The following NOVA1 variants were observed in gnomAD, a reference collection of about 807,000 sequenced individuals.
NOVA1 encodes RNA-binding protein Nova-1.
A neutral mutation model predicts 38.0 loss-of-function variants in NOVA1; 7 were observed. The observed-to-expected ratio is 0.18, with a 90% CI of 0.10 to 0.35. NOVA1 has a LOEUF of 0.35. Among genes scored for constraint, NOVA1 ranks in the 10% least tolerant of loss-of-function variants. NOVA1 has a pLI of 1.00. For synonymous variants in NOVA1, 270 were observed against 232.5 expected (o/e 1.16, Z -1.47); for missense variants, 460 against 616.0 (o/e 0.75, Z 2.68).
chr14:26,523,090 T>G (rs1889021206), intron 2 of NOVA1, among the ~76,000 whole-genome samples: 1 of 152,182 alleles, frequency 6.6e-6, no homozygotes, highest in African/African-American at 2.4e-5. Flanking sequence ...ATTAGCTCCT[T>G]CAGTAAAGTT....
intron 2 of NOVA1, among the ~76,000 whole-genome samples, chr14:26,542,314 T>C (rs1414540591): frequency 1.3e-5 from 2 of 151,936 alleles, no homozygotes; most frequent in Non-Finnish European, 2.9e-5. Context: ...AGGTAATTTT[T>C]CAATTTTCTC....
chr14:26,519,439 AGGGCCAG>A (rs1337730223), intron 2 of NOVA1: 1 of 152,206 alleles, frequency 6.6e-6, no homozygotes, highest in Non-Finnish European at 1.5e-5. Flanking sequence ...TAGGTAGAGT[AGGGCCAG>A]ATTATAAAGG....
At chr14:26,452,483 T>G (rs904172463) in intron 4 of NOVA1, among the ~76,000 whole-genome samples, 3 of 152,192 alleles carry the variant, frequency 2.0e-5, no homozygotes, top group Non-Finnish European at 4.4e-5. Context: ...TAGATTATTT[T>G]CTCTTACTTC....
chr14:26,517,447 T>G, intron 2 of NOVA1, among the ~76,000 whole-genome samples: 1 of 152,198 alleles, frequency 6.6e-6, no homozygotes, highest in East Asian at 1.9e-4. Context: ...GAATGTAAAC[T>G]GATAGAGGCA....
chr14:26,557,468 C>A (rs1414012512), intron 2 of NOVA1, among the ~76,000 whole-genome samples: 1 of 152,040 alleles, frequency 6.6e-6, no homozygotes, highest in Non-Finnish European at 1.5e-5. Flanking sequence ...CACAAGCAAT[C>A]CTCCCACCTC....
chr14:26,579,104 C>CTGGAG (rs1309794190), intron 2 of NOVA1, among the ~76,000 whole-genome samples: 1 of 115,376 alleles, frequency 8.7e-6, no homozygotes. Flanking sequence ...TGTTGCCAGG[C>CTGGAG]TGGAGTGCAG....
chr14:26,461,933 T>G (rs1205984490), intron 4 of NOVA1, among the ~76,000 whole-genome samples: 1 of 101,872 alleles, frequency 9.8e-6, no homozygotes, highest in African/African-American at 2.7e-5. Context: ...AGAGTGAAAC[T>G]CCGTCTCAAA....
chr14:26,532,029 TAA>T (rs1889753293), intron 2 of NOVA1, among the ~76,000 whole-genome samples: 1 of 152,178 alleles, frequency 6.6e-6, no homozygotes. Context: ...GCTAAAATTT[TAA>T]AAAGACTGAC....
chr14:26,576,696 A>C (rs1471826127), intron 2 of NOVA1, among the ~76,000 whole-genome samples: 1 of 151,608 alleles, frequency 6.6e-6, no homozygotes, highest in African/African-American at 2.4e-5. Flanking sequence ...TTTTTATATA[A>C]TCTAATGAAC....
At chr14:26,478,844 G>A (rs889391462) in intron 3 of NOVA1, among the ~76,000 whole-genome samples, 2 of 151,666 alleles carry the variant, frequency 1.3e-5, no homozygotes, top group South Asian at 4.2e-4. Flanking sequence ...ACCTACTCAT[G>A]ATTTAAACAT....
intron 2 of NOVA1, among the ~76,000 whole-genome samples, chr14:26,487,541 A>C (rs1003122160): frequency 6.6e-6 from 1 of 152,146 alleles, no homozygotes; most frequent in African/African-American, 2.4e-5. Flanking sequence ...CATGTATGGA[A>C]ATGGAAGCAA....
At chr14:26,484,415 G>A (rs551662818) in intron 2 of NOVA1, among the ~76,000 whole-genome samples, 1 of 135,044 alleles carries the variant, frequency 7.4e-6, no homozygotes, top group East Asian at 2.2e-4. Context: ...CAGCCTGGGC[G>A]AGACTCCGTC....
chr14:26,594,187 T>C (rs1894038521), intron 2 of NOVA1: 1 of 151,986 alleles, frequency 6.6e-6, no homozygotes, highest in African/African-American at 2.4e-5. Flanking sequence ...GTGTCTAATA[T>C]ATTACTTTTT....
At chr14:26,453,530 T>C (rs914833687) in intron 4 of NOVA1, among the ~76,000 whole-genome samples, 1 of 152,126 alleles carries the variant, frequency 6.6e-6, no homozygotes, top group Non-Finnish European at 1.5e-5. Context: ...ATTTACAATT[T>C]CTCTATTTGC....
At chr14:26,524,887 G>T (rs991467814) in intron 2 of NOVA1, among the ~76,000 whole-genome samples, 6 of 152,078 alleles carry the variant, frequency 3.9e-5, no homozygotes, top group Non-Finnish European at 7.4e-5. Context: ...TGTGGAACAG[G>T]GTATTACAAT....
chr14:26,574,264 T>TCCC (rs1261196651), intron 2 of NOVA1, among the ~76,000 whole-genome samples: 6 of 60,186 alleles, frequency 1.0e-4, no homozygotes, highest in African/African-American at 1.6e-4. Flanking sequence ...GACCTCGTGA[T>TCCC]CCACCCCCCC....
intron 2 of NOVA1, among the ~76,000 whole-genome samples, chr14:26,566,777 A>G (rs2138703174): frequency 6.6e-6 from 1 of 152,300 alleles, no homozygotes; most frequent in East Asian, 1.9e-4. Flanking sequence ...AAAATTGTGG[A>G]AAAACGGAAG....
chr14:26,567,757 T>C (rs1406837270), intron 2 of NOVA1, among the ~76,000 whole-genome samples: 3 of 152,188 alleles, frequency 2.0e-5, no homozygotes, highest in Non-Finnish European at 4.4e-5. Context: ...AAATCTGAAA[T>C]AGTCATCTCA....
intron 2 of NOVA1, among the ~76,000 whole-genome samples, chr14:26,574,364 GA>G (rs1892699141): frequency 1.4e-5 from 2 of 147,166 alleles, no homozygotes; most frequent in South Asian, 2.1e-4. Flanking sequence ...AAGATTCTCA[GA>G]AATAGAAACG....
Sources: allele counts gnomAD v4.1 joint callset (sites outside exome capture counted in the v4.1 genomes callset), GRCh38; gene constraint gnomAD v4.1.1; transcripts MANE v1.5; gene names NCBI Gene and HGNC (gene_info 2026-07-23, HGNC 2026-07-21).